Variants in DDR1 observed in about 807,000 individuals in gnomAD.
The protein encoded by DDR1 is epithelial discoidin domain-containing receptor 1.
A neutral mutation model predicts 97.4 loss-of-function variants in DDR1; 64 were observed. The observed-to-expected ratio is 0.66, with a 90% CI of 0.54 to 0.81. The LOEUF (loss-of-function observed/expected upper bound fraction) is 0.81. Among genes scored for constraint, DDR1 ranks in the 30% least tolerant of loss-of-function variants. The probability of loss-of-function intolerance (pLI) is 0.00; values close to 1 mark genes in which losing one functional copy is unlikely to be tolerated. For missense variants in DDR1, 990 were observed against 1,259.6 expected, an observed-to-expected ratio of 0.79 and a Z score of 3.24; for synonymous variants, 458 against 503.7, an observed-to-expected ratio of 0.91 and a Z score of 1.21.
At position 30,892,417 on chromosome 6, in the gene DDR1, A is replaced by T. The variant is rs1273201020; in HGVS notation, c.974A>T (p.Asn325Ile). The T allele has an allele frequency of 1.0e-5, 16 of 1,604,726 alleles. No individual in the cohort carries two copies. Among genetic ancestry groups the T allele is most frequent in the Non-Finnish European group, 1.4e-5 (16 of 1,178,774 alleles). ...GEPMRHNLGG[N>I]LGDPRARAVS... ...CCCATGCGCCACAACCTAGGGGGCA[A>T]CCTGGGGGACCCCAGAGCCCGGGCT... is the stretch of plus-strand genomic sequence containing the variant. The change falls in exon 8 of 18, where the codon AAC becomes ATC. Residue 325 changes from asparagine to isoleucine, a missense_variant. Asn to Ile is a moderately radical substitution (Grantham distance 149). Transcript: ENST00000376568.
rs1044078127 is a variant in DDR1, at chr6:30,897,662, G to A, written c.2216+65G>A. 12 of 1,357,970 alleles carry A rather than the reference G, an allele frequency of 8.8e-6. No homozygotes were observed. Among genetic ancestry groups the A allele is most frequent in the African/African-American group, 8.6e-5 (6 of 69,598 alleles). 84.1% of individuals were successfully genotyped at this position (1,357,970 alleles called of 1,614,324 possible). A position where few individuals can be genotyped will look rare whatever the true frequency, so the allele number is the denominator to read the frequency against. On this transcript the variant is annotated intron_variant, in intron 15 of 17. Transcript: ENST00000376568. This position sits in a 1 kb window ranked among gnomAD's most constrained non-coding sequence, Gnocchi z 5.2. ...CCAGGGGATCTCCTCCTCTCCCCTC[G>A]CTTCAGCCTGGAGGAAAAGAGGGGA... is the stretch of plus-strand genomic sequence containing the variant.
intron 12 of DDR1, among the ~76,000 whole-genome samples, chr6:30,896,197 C>T (rs1027014635): frequency 1.3e-5 from 2 of 151,464 alleles, no homozygotes. Flanking sequence ...CACGGGAGAG[C>T]AGCTAAGTGA....
At chr6:30,892,240 TG>T (rs772822861) in intron 7 of DDR1, 52 bp downstream of exon 7, 1 of 1,606,152 alleles carries the variant, frequency 6.2e-7, no homozygotes, top group Non-Finnish European at 8.5e-7. Flanking sequence ...AGGGTGCCGT[TG>T]GGGTGCCCCC....
At chr6:30,882,666 G>A (rs1784485288), upstream of DDR1, 1 of 152,470 alleles carries the variant, frequency 6.6e-6, no homozygotes, top group Non-Finnish European at 1.5e-5. This position sits in a 1 kb window ranked among gnomAD's most constrained non-coding sequence, Gnocchi z 4.8. Flanking sequence ...TCCTGAGGCA[G>A]TGAGAAGAGG....
chr6:30,893,216 T>A, intron 9 of DDR1, 53 bp downstream of exon 9: 1 of 1,592,996 alleles, frequency 6.3e-7, no homozygotes, highest in Non-Finnish European at 8.5e-7. Context: ...TCCCTGGGCC[T>A]CCCCCTCGGC....
rs1460881265 is a variant in DDR1 at position 30,891,655 on chromosome 6, C to T, written c.665+176C>T. ...TTAGGTGGGGCCTCAAAGGGTAGCA[C>T]TAGGGTGACCACTAGCCCGTATGAC... On this transcript the variant is annotated intron_variant, in intron 6 of 17. Transcript: ENST00000376568. The surrounding 1 kb of genome is among the most constrained non-coding windows in gnomAD (Gnocchi z 5.3). 2.0e-5 allele frequency among the ~76,000 whole-genome samples: 3 copies of T among 151,924 alleles called. No individual in the cohort carries two copies. Among genetic ancestry groups the T allele is most frequent in the Non-Finnish European group, 4.4e-5 (3 of 67,940 alleles).
intron 1 of DDR1, chr6:30,885,867 G>A (rs1420075521): frequency 5.5e-6 from 7 of 1,273,494 alleles, no homozygotes; most frequent in Non-Finnish European, 6.2e-6. Flanking sequence ...GGTGTTGTCT[G>A]AGTGGGACTT....
chr6:30,897,189 G>A lies in DDR1; in HGVS notation c.1997+48G>A, dbSNP rs1429872391. 2 of 1,606,342 alleles carry A rather than the reference G, an allele frequency of 1.2e-6. No homozygotes were observed. The highest frequency in any genetic ancestry group is 1.7e-6 in the Non-Finnish European group (2 of 1,176,790). ...GGAAGAAGGGAGGGGAGGCCGTGAA[G>A]AGTGGGGAGCCATCTAGAGAGAACA... On this transcript the variant is annotated intron_variant, in intron 14 of 17. Transcript: ENST00000376568. This position sits in a 1 kb window ranked among gnomAD's most constrained non-coding sequence, Gnocchi z 5.2.
rs1788719930 is a variant in DDR1, at chr6:30,892,276, C to T, written c.853-20C>T. 2 of 1,582,810 alleles carry T rather than the reference C, an allele frequency of 1.3e-6. No individual in the cohort carries two copies. Among genetic ancestry groups the T allele is most frequent in the African/African-American group, 1.3e-5 (1 of 74,472 alleles). ...CACCACTCCTAGCCTTGACCCTGTG[C>T]CCTCTTCCCTTCCCCCCAGGTCCAC... is the stretch of plus-strand genomic sequence containing the variant. On this transcript the variant is annotated intron_variant, in intron 7 of 17. Coordinates refer to ENST00000376568, the MANE Select transcript of DDR1 (RefSeq NM_001297654.2).
chr6:30,882,370 C>T (rs1784441972), upstream of DDR1, among the ~76,000 whole-genome samples: 1 of 152,186 alleles, frequency 6.6e-6, no homozygotes, highest in African/African-American at 2.4e-5. This position sits in a 1 kb window ranked among gnomAD's most constrained non-coding sequence, Gnocchi z 4.8. Flanking sequence ...TTCTCAGGGA[C>T]ACAGGGGGCC....
intron 12 of DDR1, 85 bp downstream of exon 12, chr6:30,895,599 C>G (rs1790469978): frequency 2.4e-6 from 2 of 828,412 alleles, no homozygotes; most frequent in African/African-American, 3.4e-5. Flanking sequence ...GCACTTCCTC[C>G]TCTCCCCACT....
intron 16 of DDR1, 133 bp downstream of exon 16, chr6:30,898,440 GGT>G (rs1412262861): frequency 8.5e-6 from 6 of 702,562 alleles, no homozygotes; most frequent in Middle Eastern, 3.7e-4. Context: ...TATAATATGA[GGT>G]TCTCCTAGCC....
intron 17 of DDR1, 52 bp from the exon 18 acceptor site, chr6:30,899,104 G>C (rs1261703153): frequency 4.3e-6 from 7 of 1,614,028 alleles, no homozygotes; most frequent in Non-Finnish European, 5.9e-6. Flanking sequence ...TGTCATCTTG[G>C]AGACTAAAGA....
Position 30,889,709 on chromosome 6 carries a change from G to A in DDR1, c.417+279G>A, listed in dbSNP as rs926577923. 6.6e-5 allele frequency among the ~76,000 whole-genome samples: 10 copies of A among 151,550 alleles called. No individual in the cohort carries two copies. The highest frequency in any genetic ancestry group is 5.3e-4 in the Admixed American group (8 of 15,200). ...TCCTCCCACCTTAGCCTCCCAAAGT[G>A]CTGGGATTACAAGCACTGTAGCCAG... is the stretch of plus-strand genomic sequence containing the variant. On this transcript the variant is annotated intron_variant, in intron 4 of 17. Coordinates refer to ENST00000376568, the MANE Select transcript of DDR1 (RefSeq NM_001297654.2). This position sits in a 1 kb window ranked among gnomAD's most constrained non-coding sequence, Gnocchi z 4.9.
At chr6:30,895,911 T>G (rs1245836145) in intron 12 of DDR1, among the ~76,000 whole-genome samples, 1 of 152,086 alleles carries the variant, frequency 6.6e-6, no homozygotes, top group Non-Finnish European at 1.5e-5. Flanking sequence ...ACATGTGTCC[T>G]CTCTCTGCAG....
At chr6:30,881,032 C>T (rs913012938), upstream of DDR1, 1 of 152,128 alleles carries the variant, frequency 6.6e-6, no homozygotes, top group Non-Finnish European at 1.5e-5. Flanking sequence ...GCCCCGGACG[C>T]TCGGACAAAG....
rs2150355845 is a variant in DDR1 at position 30,892,383 on chromosome 6, G to T, written c.940G>T (p.Glu314Ter). ...CCGGCGTGGCCCTGCCATGGCCTGG[G>T]AGGGGGAGCCCATGCGCCACAACCT... Reference protein sequence around the residue: ...RFRRGPAMAWEGEPMRHNLGG... With the variant: ...RFRRGPAMAW Residue 314 changes from glutamate to a stop codon, truncating the protein, a stop_gained, in exon 8 of 18, where the codon GAG becomes TAG. Transcript: ENST00000376568. LOFTEE classifies it high-confidence loss of function. The T allele has an allele frequency of 6.3e-7, 1 of 1,593,272 alleles. No individual in the cohort carries two copies.
intron 17 of DDR1, 41 bp from the exon 18 acceptor site, chr6:30,899,115 A>G (rs565665969): frequency 2.5e-6 from 4 of 1,613,966 alleles, no homozygotes; most frequent in East Asian, 2.2e-5. Flanking sequence ...AGACTAAAGA[A>G]TATTTGTTCC....
Position 30,897,092 on chromosome 6 carries a change from T to A in DDR1, c.1948T>A (p.Leu650Met). 2 of 1,613,866 alleles carry A rather than the reference T, an allele frequency of 1.2e-6. No homozygotes were observed. Among genetic ancestry groups the A allele is most frequent in the Non-Finnish European group, 1.7e-6 (2 of 1,179,942 alleles). ...CCTTAATGTGCGTAAGGGACACCCT[T>A]TGCTGGTAGCTGTCAAGATCTTACG... ...FPLNVRKGHP[L>M]LVAVKILRPD... Residue 650 changes from leucine to methionine, a missense_variant, in exon 14 of 18, where the codon TTG becomes ATG. By Grantham distance (15) the Leu-to-Met change is conservative. Transcript: ENST00000376568. This position sits in a 1 kb window ranked among gnomAD's most constrained non-coding sequence, Gnocchi z 5.2.
Sources: allele counts gnomAD v4.1 joint callset (sites outside exome capture counted in the v4.1 genomes callset), GRCh38; gene constraint gnomAD v4.1.1; non-coding constraint Gnocchi (gnomAD v3.1); transcripts MANE v1.5; gene names NCBI Gene and HGNC (gene_info 2026-07-23, HGNC 2026-07-21).